CCK: variants seen among roughly 807,000 people sequenced by gnomAD.
CCK encodes the protein cholecystokinin triacontatriapeptide.
A neutral mutation model predicts 10.1 loss-of-function variants in CCK; 11 were observed. That is an observed-to-expected ratio of 1.09 (90% confidence interval 0.69 to 1.81). The LOEUF is 1.81. Ranked by LOEUF, CCK falls within the 40% of genes most tolerant of loss-of-function variation. The pLI, the probability that CCK is intolerant of heterozygous loss-of-function variation, is 0.00. For synonymous variants in CCK, 83 were observed against 71.9 expected (o/e 1.15, Z -0.78); for missense variants, 137 against 159.9 (o/e 0.86, Z 0.77).
chr3:42,261,079 A>G (rs1711203761), intron 4 of CCK, among the ~76,000 whole-genome samples: 1 of 152,178 alleles, frequency 6.6e-6, no homozygotes, highest in Non-Finnish European at 1.5e-5. Flanking sequence ...TTTGCTGGGC[A>G]TGGGGGAGGC....
rs114256491 is a variant in CCK at position 42,261,512 on chromosome 3, G to A, written c.214+1905C>T. On this transcript the variant is annotated intron_variant, in intron 4 of 4. Coordinates refer to ENST00000396169, the MANE Select transcript of CCK (RefSeq NM_000729.6). ...TTGGCTGAAGGCAAAGGGAGAGGGG[G>A]GCTGAGAAGAGGGACTAGAAAGAAC... Among the ~76,000 whole-genome samples the A allele has an allele frequency of 4.0e-3, 612 of 152,248 alleles. 3 individuals carry two copies. Among genetic ancestry groups the A allele is most frequent in the Non-Finnish European group, 7.1e-3 (485 of 68,034 alleles).
intron 4 of CCK, among the ~76,000 whole-genome samples, chr3:42,259,166 C>T (rs564391063): frequency 1.3e-5 from 2 of 151,010 alleles, no homozygotes; most frequent in African/African-American, 4.9e-5. Flanking sequence ...AATACATGGA[C>T]ACAGGGAGGG....
In CCK at chr3:42,263,400, G is replaced by C; in HGVS notation, c.214+17C>G. On this transcript the variant is annotated intron_variant, in intron 4 of 4. Coordinates refer to ENST00000396169, the MANE Select transcript of CCK (RefSeq NM_000729.6). Reference sequence around the variant, plus strand: ...GAACAAGGGCAGAAGTGAGGGATGGGGAGGCAGCATTCTTACCTTTCCGGG... The same window carrying C: ...GAACAAGGGCAGAAGTGAGGGATGGCGAGGCAGCATTCTTACCTTTCCGGG... 1.9e-6 allele frequency: 3 copies of C among 1,614,178 alleles called. No homozygotes were observed. The highest frequency in any genetic ancestry group is 2.5e-6 in the Non-Finnish European group (3 of 1,180,018).
At chr3:42,261,608 C>CTTTTTTTTTTTTTTT (rs3073696) in intron 4 of CCK, among the ~76,000 whole-genome samples, 1 of 145,620 alleles carries the variant, frequency 6.9e-6, no homozygotes, top group Non-Finnish European at 1.5e-5. Flanking sequence ...TGGTAATGAG[C>CTTTTTTTTTTTTTTT]TTTTTTTTTT....
intron 4 of CCK, 115 bp downstream of exon 4, chr3:42,263,302 G>A: frequency 6.7e-7 from 1 of 1,496,296 alleles, no homozygotes; most frequent in South Asian, 1.1e-5. Flanking sequence ...AAATCATGTT[G>A]CTTGTTTCCT....
intron 4 of CCK, chr3:42,263,025 T>C (rs1711237641): frequency 3.0e-6 from 1 of 337,818 alleles, no homozygotes; most frequent in African/African-American, 2.2e-5. Flanking sequence ...ATTCTCAGCA[T>C]TGACCCCTTC....
Position 42,265,278 on chromosome 3 carries a change from C to G in CCK, c.-223G>C, listed in dbSNP as rs1711270887. On this transcript the variant is annotated 5_prime_UTR_variant, in exon 2 of 5. Coordinates refer to ENST00000396169, the MANE Select transcript of CCK (RefSeq NM_000729.6). ...GCGCTGGTCTTCATACCTGTGTCGG[C>G]TCTTTCGAAGGAGAGAGGAGGAGTC... 6.6e-6 allele frequency: 1 copy of G among 152,208 alleles called. No individual in the cohort carries two copies. The highest frequency in any genetic ancestry group is 1.9e-4 in the East Asian group (1 of 5,174). The allele number at this position is 152,208 out of a possible 1,614,324, so 9.4% of individuals were successfully genotyped here. A position where few individuals can be genotyped will look rare whatever the true frequency, so the allele number is the denominator to read the frequency against.
chr3:42,261,719 G>A (rs2149571139), intron 4 of CCK, among the ~76,000 whole-genome samples: 1 of 151,976 alleles, frequency 6.6e-6, no homozygotes, highest in Non-Finnish European at 1.5e-5. Flanking sequence ...AAAAACCAGG[G>A]TCTTTCCTAA....
intron 4 of CCK, among the ~76,000 whole-genome samples, chr3:42,259,041 T>C (rs950135100): frequency 6.6e-6 from 1 of 152,206 alleles, no homozygotes; most frequent in Admixed American, 6.5e-5. Flanking sequence ...GATGCGTTCA[T>C]GTCCTTTGCA....
intron 4 of CCK, among the ~76,000 whole-genome samples, chr3:42,261,067 G>A (rs150550091): frequency 6.6e-6 from 1 of 152,290 alleles, no homozygotes; most frequent in Non-Finnish European, 1.5e-5. Context: ...TAGCATTGAA[G>A]CTTTGCTGGG....
chr3:42,263,435 T>A lies in CCK; in HGVS notation c.196A>T (p.Ile66Phe), dbSNP rs1376331583. 6.2e-6 allele frequency: 10 copies of A among 1,613,980 alleles called. No individual in the cohort carries two copies. The East Asian group carries it at 6.7e-5, about 11-fold the overall frequency. Reference sequence around the variant, plus strand: ...TTCTTACCTTTCCGGGCCTGCTGGATGTATCTTGCCAGCAGGGCGCCCAGG... The same window carrying A: ...TTCTTACCTTTCCGGGCCTGCTGGAAGTATCTTGCCAGCAGGGCGCCCAGG... ...AHLGALLARYIQQARKAPSGR... is the reference protein window; with the variant it reads ...AHLGALLARYFQQARKAPSGR... The change falls in exon 4 of 5, where the codon ATC (isoleucine) becomes TTC (phenylalanine). Residue 66 changes from isoleucine (I) to phenylalanine (F), a missense_variant. Coordinates refer to ENST00000396169, the MANE Select transcript of CCK (RefSeq NM_000729.6).
intron 4 of CCK, 165 bp downstream of exon 4, chr3:42,263,252 C>G (rs1050188424): frequency 9.8e-7 from 1 of 1,024,814 alleles, no homozygotes; most frequent in African/African-American, 1.6e-5. Context: ...TAAATTAAGT[C>G]CTCCATACCC....
At chr3:42,260,272 C>A (rs1235370760) in intron 4 of CCK, among the ~76,000 whole-genome samples, 1 of 152,130 alleles carries the variant, frequency 6.6e-6, no homozygotes, top group Non-Finnish European at 1.5e-5. Context: ...TGAAATATTA[C>A]CCTTGAATTC....
At chr3:42,260,306 C>T (rs1158661660) in intron 4 of CCK, among the ~76,000 whole-genome samples, 2 of 152,158 alleles carry the variant, frequency 1.3e-5, no homozygotes, top group African/African-American at 4.8e-5. Context: ...GACCCAGTTA[C>T]CTGTACACAG....
At position 42,257,968 on chromosome 3, in the gene CCK, A is replaced by G. The variant is rs1307636285; in HGVS notation, c.*130T>C. The stretch of plus-strand genomic sequence containing the variant: ...TCTTACAGACACATTTTTCACATTG[A>G]GAACTTAATAAATAGATACATACAA... On this transcript the variant is annotated 3_prime_UTR_variant, in exon 5 of 5. Transcript: ENST00000396169. The G allele has an allele frequency of 2.0e-6, 2 of 977,374 alleles. No homozygotes were observed. Among genetic ancestry groups the G allele is most frequent in the Non-Finnish European group, 3.0e-6 (2 of 669,772 alleles). 60.5% of individuals were successfully genotyped at this position (977,374 alleles called of 1,614,324 possible).
In CCK at chr3:42,258,062, G is replaced by T. The variant is rs763128222; in HGVS notation, c.*36C>A. On this transcript the variant is annotated 3_prime_UTR_variant, in exon 5 of 5. Coordinates refer to ENST00000396169, the MANE Select transcript of CCK (RefSeq NM_000729.6). ...TTATTCTGCCTCCTCTGGGTTGGGA[G>T]GTTGCTTCCCGTTGGGCTGATGGCG... 3.0e-5 allele frequency: 47 copies of T among 1,590,778 alleles called. No homozygotes were observed. The highest frequency in any genetic ancestry group is 3.8e-5 in the Non-Finnish European group (45 of 1,169,860).
chr3:42,259,006 T>C (rs1182807968), intron 4 of CCK, among the ~76,000 whole-genome samples: 5 of 152,306 alleles, frequency 3.3e-5, no homozygotes, highest in Middle Eastern at 3.4e-3. Context: ...ATTTACACCA[T>C]GGAGTACTAT....
At chr3:42,258,459 T>A (rs1422593276) in intron 4 of CCK, among the ~76,000 whole-genome samples, 1 of 152,130 alleles carries the variant, frequency 6.6e-6, no homozygotes, top group Non-Finnish European at 1.5e-5. Context: ...AAGTTAGGGG[T>A]GTGCTTTGCG....
Position 42,263,608 on chromosome 3 carries a change from C to T in CCK, c.23G>A (p.Cys8Tyr). The change falls in exon 4 of 5, where the codon TGC (cysteine) becomes TAC (tyrosine). Residue 8 changes from cysteine (C) to tyrosine (Y), a missense_variant. Coordinates refer to ENST00000396169, the MANE Select transcript of CCK (RefSeq NM_000729.6). MNSGVCL[C>Y]VLMAVLAAGA... Reference sequence around the variant, plus strand: ...AGCCGCCAGTACCGCCATCAGCACGCACAGGCACACGCCGCTGTTCATGGC... The same window carrying T: ...AGCCGCCAGTACCGCCATCAGCACGTACAGGCACACGCCGCTGTTCATGGC... 1 of 1,603,040 alleles carries T rather than the reference C, an allele frequency of 6.2e-7. No individual in the cohort carries two copies. Among genetic ancestry groups the T allele is most frequent in the Non-Finnish European group, 8.5e-7 (1 of 1,174,600 alleles).
Sources: allele counts gnomAD v4.1 joint callset (sites outside exome capture counted in the v4.1 genomes callset), GRCh38; gene constraint gnomAD v4.1.1; transcripts MANE v1.5; gene names NCBI Gene and HGNC (gene_info 2026-07-23, HGNC 2026-07-21).